Variants in MAP7D2 observed in about 807,000 individuals in gnomAD.
MAP7D2 encodes the protein MAP7 domain-containing protein 2.
In MAP7D2, 33 loss-of-function variants were observed where a neutral mutation model predicts 63.5. The ratio of observed to expected loss-of-function variants is 0.52; its 90% CI spans 0.39 to 0.70. The LOEUF is 0.70. Among genes scored for constraint, MAP7D2 ranks in the 30% least tolerant of loss-of-function variants. MAP7D2 has a pLI of 0.00. For missense variants in MAP7D2, 626 were observed against 604.0 expected (o/e 1.04, Z -0.38); for synonymous variants, 224 against 223.7 (o/e 1.00, Z -0.01).
intron 1 of MAP7D2, among the ~76,000 whole-genome samples, chrX:20,100,969 C>T (rs1276552049): frequency 3.8e-5 from 4 of 105,874 alleles, no homozygotes; most frequent in Admixed American, 1.0e-4. Flanking sequence ...TGCGGTGAGC[C>T]GAGATCGCAC....
At chrX:20,105,292 A>G (rs1242240599) in intron 1 of MAP7D2, among the ~76,000 whole-genome samples, 1 of 111,755 alleles carries the variant, frequency 8.9e-6, no homozygotes, top group Non-Finnish European at 1.9e-5. Context: ...CCATACATCT[A>G]CCACAGCAAC....
At chrX:20,104,332 G>A (rs145382263) in intron 1 of MAP7D2, among the ~76,000 whole-genome samples, 47 of 112,641 alleles carry the variant, frequency 4.2e-4, no homozygotes, top group Admixed American at 2.6e-3. Context: ...ACAGAGTCTC[G>A]CTATGTAGCC....
At chrX:20,061,272 C>T (rs1166792100) in intron 3 of MAP7D2, among the ~76,000 whole-genome samples, 4 of 110,651 alleles carry the variant, frequency 3.6e-5, no homozygotes, top group Non-Finnish European at 7.6e-5. Flanking sequence ...GAGGGGCTTC[C>T]GTAATGCAGG....
chrX:20,111,882 C>T (rs1265452190), intron 1 of MAP7D2, among the ~76,000 whole-genome samples: 1 of 111,622 alleles, frequency 9.0e-6, no homozygotes, highest in Non-Finnish European at 1.9e-5. Context: ...GCAATCTTCC[C>T]GCCTCAGCCC....
At chrX:20,085,704 C>G (rs1232080641) in intron 1 of MAP7D2, among the ~76,000 whole-genome samples, 1 of 112,036 alleles carries the variant, frequency 8.9e-6, no homozygotes, top group African/African-American at 3.2e-5. Flanking sequence ...AATGTTTTCT[C>G]AAGTTTTTTT....
chrX:20,100,434 T>G (rs1317333235), intron 1 of MAP7D2, among the ~76,000 whole-genome samples: 4 of 111,969 alleles, frequency 3.6e-5, no homozygotes, highest in African/African-American at 1.3e-4. Flanking sequence ...AAGCTGTCGA[T>G]GTTCTAGCTC....
At chrX:20,097,724 C>G (rs977064117) in intron 1 of MAP7D2, among the ~76,000 whole-genome samples, 4 of 111,251 alleles carry the variant, frequency 3.6e-5, no homozygotes, top group African/African-American at 1.3e-4. Context: ...AAGAACGTGG[C>G]CAAAGATAGA....
chrX:20,116,862 G>T lies in MAP7D2; in HGVS notation c.18C>A (p.Gly6=). 8.8e-7 allele frequency: 1 copy of T among 1,142,229 alleles called. No homozygotes were observed. Among genetic ancestry groups the T allele is most frequent in the Admixed American group, 2.8e-5 (1 of 36,217 alleles). 94.1% of individuals were successfully genotyped at this position (1,142,229 alleles called of 1,213,427 possible). A position where few individuals can be genotyped will look rare whatever the true frequency, so the allele number is the denominator to read the frequency against. ...CAGGCCGGGATCCCGTCCCGGAGCCGCCGCCGCCGCGCTCCATCGGGATGC... is the reference window on the plus strand; with the variant it reads ...CAGGCCGGGATCCCGTCCCGGAGCCTCCGCCGCCGCGCTCCATCGGGATGC... MERGG[G]GSGTGSRPEG... is the part of the protein sequence containing the mutation. The change falls in exon 1 of 17, where the codon GGC becomes GGA. Residue 6 remains glycine (G), a synonymous_variant. Coordinates refer to ENST00000379643, the MANE Select transcript of MAP7D2 (RefSeq NM_001168465.2).
intron 6 of MAP7D2, among the ~76,000 whole-genome samples, 173 bp downstream of exon 6, chrX:20,050,651 C>T (rs894486167): frequency 8.9e-6 from 1 of 112,694 alleles, no homozygotes; most frequent in Non-Finnish European, 1.9e-5. Flanking sequence ...CTCTGTGACA[C>T]TCAAAAGAAA....
At chrX:20,094,562 A>G (rs1392417797) in intron 1 of MAP7D2, among the ~76,000 whole-genome samples, 4 of 13,212 alleles carry the variant, frequency 3.0e-4, no homozygotes, top group African/African-American at 4.0e-4. Flanking sequence ...ATATATATAT[A>G]TATATACATA....
intron 1 of MAP7D2, among the ~76,000 whole-genome samples, chrX:20,079,931 C>T (rs754963774): frequency 9.0e-6 from 1 of 111,302 alleles, no homozygotes; most frequent in Middle Eastern, 4.6e-3. Flanking sequence ...CTTTCTCTGC[C>T]AAGCTGATAG....
chrX:20,022,123 C>T (rs763458859), intron 10 of MAP7D2, among the ~76,000 whole-genome samples: 1 of 111,607 alleles, frequency 9.0e-6, no homozygotes, highest in East Asian at 2.8e-4. Context: ...AGAAAAGGTA[C>T]AGGGAGGGAG....
intron 1 of MAP7D2, among the ~76,000 whole-genome samples, chrX:20,086,518 C>T (rs963883949): frequency 9.0e-6 from 1 of 111,713 alleles, no homozygotes; most frequent in African/African-American, 3.3e-5. Flanking sequence ...CTGAAGTTTT[C>T]GGCCCAGGAA....
chrX:20,066,344 G>A (rs2065362455), intron 1 of MAP7D2, among the ~76,000 whole-genome samples: 1 of 111,925 alleles, frequency 8.9e-6, no homozygotes, highest in South Asian at 3.7e-4. Context: ...TCCTGCTGCT[G>A]TCCAGGAGGG....
chrX:20,081,169 A>G (rs2148448609), intron 1 of MAP7D2, among the ~76,000 whole-genome samples: 1 of 112,631 alleles, frequency 8.9e-6, no homozygotes, highest in East Asian at 2.8e-4. Flanking sequence ...AATGACTGGT[A>G]AAGAGAAATT....
chrX:20,053,082 C>T lies in MAP7D2; in HGVS notation c.485-94G>A, dbSNP rs1184376701. On this transcript the variant is annotated intron_variant, in intron 4 of 16. Coordinates refer to ENST00000379643, the MANE Select transcript of MAP7D2 (RefSeq NM_001168465.2). Reference sequence around the variant, plus strand: ...GAAGTGTCCTTCCTGTCCTCATCCACGCACCTCCTAAATGCTGTGGCACAG... The same window carrying T: ...GAAGTGTCCTTCCTGTCCTCATCCATGCACCTCCTAAATGCTGTGGCACAG... 48 of 587,353 alleles carry T rather than the reference C, an allele frequency of 8.2e-5. 1 individual carries two copies. The Middle Eastern group carries it at 9.9e-4, about 12-fold the overall frequency. The allele number at this position is 587,353 out of a possible 1,213,427, so 48.4% of individuals were successfully genotyped here. A position where few individuals can be genotyped will look rare whatever the true frequency, so the allele number is the denominator to read the frequency against.
intron 3 of MAP7D2, among the ~76,000 whole-genome samples, chrX:20,059,629 T>TGGAAGGAA (rs1173651597): frequency 6.5e-4 from 30 of 45,959 alleles, no homozygotes; most frequent in African/African-American, 1.8e-3. Flanking sequence ...GAAGGAAGGG[T>TGGAAGGAA]GGAAGGAAGG....
chrX:20,094,883 A>G (rs1168583341), intron 1 of MAP7D2, among the ~76,000 whole-genome samples: 1 of 107,981 alleles, frequency 9.3e-6, no homozygotes, highest in Non-Finnish European at 1.9e-5. Flanking sequence ...TATTATACAT[A>G]ATCCTGAAAG....
chrX:20,116,007 C>T (rs2066881914), intron 1 of MAP7D2, among the ~76,000 whole-genome samples: 1 of 112,914 alleles, frequency 8.9e-6, no homozygotes, highest in Admixed American at 9.3e-5. Context: ...TAAAATCCTG[C>T]CAAATGTCCT....
Sources: allele counts gnomAD v4.1 joint callset (sites outside exome capture counted in the v4.1 genomes callset), GRCh38; gene constraint gnomAD v4.1.1; transcripts MANE v1.5; gene names NCBI Gene and HGNC (gene_info 2026-07-23, HGNC 2026-07-21).